GLRA3: variants seen among roughly 807,000 people sequenced by gnomAD.
GLRA3 encodes glycine receptor subunit alpha-3.
In GLRA3, 44 loss-of-function variants were observed where a neutral mutation model predicts 60.4. The observed-to-expected ratio is 0.73, with a 90% CI of 0.57 to 0.94. The LOEUF (loss-of-function observed/expected upper bound fraction) is 0.94. Ranked by LOEUF, GLRA3 falls within the 40% of genes least tolerant of loss-of-function variation. GLRA3 has a pLI of 0.00. For synonymous variants in GLRA3, 223 were observed against 192.9 expected (o/e 1.16, Z -1.29); for missense variants, 508 against 564.6 (o/e 0.90, Z 1.02).
chr4:174,762,350 C>G (rs1737973443), intron 3 of GLRA3, among the ~76,000 whole-genome samples: 1 of 151,998 alleles, frequency 6.6e-6, no homozygotes, highest in Admixed American at 6.6e-5. Context: ...AAAAGTTTGA[C>G]AGTTAGCTGA....
At chr4:174,693,637 C>T (rs55780604) in intron 5 of GLRA3, among the ~76,000 whole-genome samples, 64,549 of 151,934 alleles carry the variant, frequency 0.42, 14,228 homozygotes, top group Middle Eastern at 0.54. Flanking sequence ...ATTCAGGCTC[C>T]TCCTTGGTTC....
intron 7 of GLRA3, among the ~76,000 whole-genome samples, chr4:174,664,711 C>T (rs903399989): frequency 2.6e-5 from 4 of 152,162 alleles, no homozygotes; most frequent in African/African-American, 9.7e-5. Flanking sequence ...TTGCTTTAGG[C>T]TTACAGTTCT....
intron 5 of GLRA3, 142 bp from the exon 6 acceptor site, chr4:174,683,081 C>G: frequency 1.6e-6 from 1 of 628,948 alleles, no homozygotes; most frequent in Non-Finnish European, 2.7e-6. Flanking sequence ...CTATTCATTG[C>G]CCAATTCCGT....
At chr4:174,719,071 C>G (rs1356621113) in intron 4 of GLRA3, among the ~76,000 whole-genome samples, 2 of 146,094 alleles carry the variant, frequency 1.4e-5, no homozygotes, top group Non-Finnish European at 3.0e-5. Context: ...TCACCCCATT[C>G]TCCTGCCTCA....
At chr4:174,809,432 C>T (rs1740176150) in intron 1 of GLRA3, among the ~76,000 whole-genome samples, 2 of 152,076 alleles carry the variant, frequency 1.3e-5, no homozygotes, top group African/African-American at 4.8e-5. Flanking sequence ...AAAATGTGAA[C>T]ATTTAAAAAT....
chr4:174,760,543 G>A (rs1230334651), intron 3 of GLRA3, among the ~76,000 whole-genome samples: 2 of 151,166 alleles, frequency 1.3e-5, no homozygotes, highest in Non-Finnish European at 2.9e-5. Flanking sequence ...TTTTTTGAGA[G>A]GGAGTCTGGC....
chr4:174,758,325 T>C (rs1716000696), intron 3 of GLRA3, among the ~76,000 whole-genome samples: 1 of 152,126 alleles, frequency 6.6e-6, no homozygotes, highest in South Asian at 2.1e-4. Context: ...ATAAGTCATA[T>C]TGATAGTATA....
intron 1 of GLRA3, among the ~76,000 whole-genome samples, chr4:174,813,745 T>C (rs960273892): frequency 6.6e-6 from 1 of 152,240 alleles, no homozygotes; most frequent in Non-Finnish European, 1.5e-5. Flanking sequence ...AAATCTATCC[T>C]TCAACTATTG....
At chr4:174,660,253 T>C (rs1733385350) in intron 7 of GLRA3, among the ~76,000 whole-genome samples, 1 of 152,168 alleles carries the variant, frequency 6.6e-6, no homozygotes, top group Non-Finnish European at 1.5e-5. Flanking sequence ...CAGACTTTTT[T>C]TGTTATTTGT....
chr4:174,657,085 AGGGTACCAATCACTG>A (rs1733238097), intron 8 of GLRA3, among the ~76,000 whole-genome samples: 2 of 152,166 alleles, frequency 1.3e-5, no homozygotes, highest in South Asian at 4.1e-4. Context: ...GCATTTTCCC[AGGGTACCAATCACTG>A]GAGAAAATGA....
At chr4:174,665,797 T>C (rs941691311) in intron 7 of GLRA3, among the ~76,000 whole-genome samples, 1 of 152,116 alleles carries the variant, frequency 6.6e-6, no homozygotes, top group Non-Finnish European at 1.5e-5. Context: ...ACAAGGTTCT[T>C]TATGGTAAAG....
At chr4:174,683,775 G>A (rs1734450731) in intron 5 of GLRA3, among the ~76,000 whole-genome samples, 1 of 152,180 alleles carries the variant, frequency 6.6e-6, no homozygotes, top group African/African-American at 2.4e-5. Context: ...AGAGTTGCAT[G>A]TAGATAGCAT....
intron 9 of GLRA3, among the ~76,000 whole-genome samples, chr4:174,651,743 A>G (rs770230634): frequency 3.9e-5 from 6 of 152,178 alleles, no homozygotes; most frequent in Non-Finnish European, 7.4e-5. Context: ...ATTACAATAC[A>G]TGGGTTTTGC....
intron 5 of GLRA3, among the ~76,000 whole-genome samples, chr4:174,690,669 C>A (rs1364509249): frequency 2.6e-5 from 4 of 152,110 alleles, no homozygotes; most frequent in Non-Finnish European, 5.9e-5. Context: ...TCCTCTCCCA[C>A]CTCAAGTAGA....
intron 1 of GLRA3, among the ~76,000 whole-genome samples, chr4:174,793,621 G>T (rs1010028261): frequency 6.6e-6 from 1 of 151,844 alleles, no homozygotes. Flanking sequence ...CCAGCTCCTG[G>T]ACTCAAACAA....
At chr4:174,680,150 T>TA (rs879268861) in intron 6 of GLRA3, among the ~76,000 whole-genome samples, 1 of 152,134 alleles carries the variant, frequency 6.6e-6, no homozygotes, top group East Asian at 1.9e-4. Flanking sequence ...CTATAAAAAT[T>TA]AAAAAATGTT....
intron 5 of GLRA3, among the ~76,000 whole-genome samples, chr4:174,709,540 G>A (rs562730412): frequency 6.6e-5 from 10 of 152,096 alleles, no homozygotes; most frequent in South Asian, 2.1e-4. Context: ...AAAGCAACAC[G>A]TTTTCTTCAT....
At chr4:174,655,261 A>C (rs893462372) in intron 9 of GLRA3, among the ~76,000 whole-genome samples, 2 of 152,176 alleles carry the variant, frequency 1.3e-5, no homozygotes, top group African/African-American at 4.8e-5. Flanking sequence ...TTTAAATGAC[A>C]AATTTGATCA....
intron 1 of GLRA3, among the ~76,000 whole-genome samples, chr4:174,816,925 C>T (rs1740526044): frequency 1.3e-5 from 2 of 152,026 alleles, no homozygotes; most frequent in Admixed American, 1.3e-4. Flanking sequence ...GTAATAATAT[C>T]ATGTAAAATG....
Sources: allele counts gnomAD v4.1 joint callset (sites outside exome capture counted in the v4.1 genomes callset), GRCh38; gene constraint gnomAD v4.1.1; transcripts MANE v1.5; gene names NCBI Gene and HGNC (gene_info 2026-07-23, HGNC 2026-07-21).